Variants in ALDH1L2 observed in about 807,000 individuals in gnomAD.
ALDH1L2 encodes aldehyde dehydrogenase 1 family member L2.
Under a neutral mutation model 111.0 loss-of-function variants are expected in ALDH1L2, and 91 were observed. The ratio of observed to expected loss-of-function variants is 0.82; its 90% CI spans 0.69 to 0.98. The LOEUF (loss-of-function observed/expected upper bound fraction) is 0.98, where lower values mean the gene tolerates loss of function less well. Ranked by LOEUF, ALDH1L2 falls within the 50% of genes least tolerant of loss-of-function variation. The probability of loss-of-function intolerance (pLI) is 0.00; values close to 1 mark genes in which losing one functional copy is unlikely to be tolerated. For missense variants in ALDH1L2, 995 were observed against 1,126.8 expected (o/e 0.88, Z 1.67); for synonymous variants, 374 against 392.6 (o/e 0.95, Z 0.56).
rs71069786 is a variant in ALDH1L2, at chr12:105,064,114, C to CTTTTTTTTTTTTTTTT, written c.787-1108_787-1093dup. Among the ~76,000 whole-genome samples, 9 of 35,124 alleles carry CTTTTTTTTTTTTTTTT rather than the reference C, an allele frequency of 2.6e-4. 3 individuals are homozygous for CTTTTTTTTTTTTTTTT. Among genetic ancestry groups the CTTTTTTTTTTTTTTTT allele is most frequent in the Non-Finnish European group, 3.8e-4 (7 of 18,600 alleles). 23.0% of individuals were successfully genotyped at this position (35,124 alleles called of 152,430 possible). On this transcript the variant is annotated intron_variant, in intron 6 of 22. Transcript: ENST00000258494. ...TACAGGCACATGCCACCACACCGAGCTTTTTTTTTTTTTTTTTTTTTTTTT... is the reference window on the plus strand; with the variant it reads ...TACAGGCACATGCCACCACACCGAGCTTTTTTTTTTTTTTTTTTTTTTTTTTTTTTTTTTTTTTTTT...
chr12:105,030,521 T>C (rs985599706), intron 20 of ALDH1L2, 92 bp from the exon 21 acceptor site: 1 of 1,094,906 alleles, frequency 9.1e-7, no homozygotes, highest in Non-Finnish European at 1.3e-6. Context: ...TAATTTTTTC[T>C]TTCCCTCTGG....
At position 105,052,213 on chromosome 12, in the gene ALDH1L2, AT is replaced by A; in HGVS notation, c.1411del (p.Ile471TyrfsTer16). The stretch of plus-strand genomic sequence containing the variant: ...CAAAGAAGCGTAGGATACTTTGCAT[AT>A]TGTCTATTTCAAGGTAAGTAAAAAT... Reference protein sequence around the residue: ...DTINPTDGSTICKVSYASLAD... With the variant: ...DTINPTDGSTXCKVSYASLAD... On this transcript the variant is annotated frameshift_variant, in exon 12 of 23. Coordinates refer to ENST00000258494, the MANE Select transcript of ALDH1L2 (RefSeq NM_001034173.4). LOFTEE classifies it high-confidence loss of function. 6.2e-7 allele frequency: 1 copy of A among 1,601,224 alleles called. No individual in the cohort carries two copies. The highest frequency in any genetic ancestry group is 8.5e-7 in the Non-Finnish European group (1 of 1,175,430).
rs905754572 is a variant in ALDH1L2 at position 105,030,417 on chromosome 12, T to A, written c.2423A>T (p.Glu808Val). Residue 808 changes from glutamate (E) to valine (V), a missense_variant, in exon 21 of 23, where the codon GAG becomes GTG. Glu to Val is a moderately radical substitution (Grantham distance 121). Coordinates refer to ENST00000258494, the MANE Select transcript of ALDH1L2 (RefSeq NM_001034173.4). ...RQVQRPGFFM[E>V]PTVFTDVEDY... Reference sequence around the variant, plus strand: ...TTCCACATCTGTGAACACGGTCGGCTCCATGAAAAAGCCTTTTTGGAAAAA... The same window carrying A: ...TTCCACATCTGTGAACACGGTCGGCACCATGAAAAAGCCTTTTTGGAAAAA... 6.2e-7 allele frequency: 1 copy of A among 1,605,738 alleles called. No individual in the cohort carries two copies. Among genetic ancestry groups the A allele is most frequent in the Non-Finnish European group, 8.5e-7 (1 of 1,175,734 alleles).
At chr12:105,057,243 G>A (rs1183166232) in intron 10 of ALDH1L2, among the ~76,000 whole-genome samples, 1 of 152,000 alleles carries the variant, frequency 6.6e-6, no homozygotes, top group Non-Finnish European at 1.5e-5. Flanking sequence ...ACAACTAAAA[G>A]AGAAAAGACA....
At chr12:105,024,570 A>G (rs1329968402) in intron 22 of ALDH1L2, 91 bp from the exon 23 acceptor site, 35 of 1,258,042 alleles carry the variant, frequency 2.8e-5, no homozygotes, top group Non-Finnish European at 3.8e-5. Flanking sequence ...GTAGGTGTCC[A>G]GGTCACTAAG....
intron 1 of ALDH1L2, among the ~76,000 whole-genome samples, chr12:105,083,308 A>C (rs1878415753): frequency 6.6e-6 from 1 of 152,182 alleles, no homozygotes; most frequent in Non-Finnish European, 1.5e-5. Flanking sequence ...CCAAAGTCCT[A>C]GCAGAGCAGG....
In ALDH1L2 at chr12:105,058,222, T is replaced by C. The variant is rs181718995; in HGVS notation, c.1140-2A>G. 6.3e-7 allele frequency: 1 copy of C among 1,597,010 alleles called. No individual in the cohort carries two copies. Among genetic ancestry groups the C allele is most frequent in the African/African-American group, 1.4e-5 (1 of 73,836 alleles). On this transcript the variant is annotated splice_acceptor_variant, in intron 9 of 22. Coordinates refer to ENST00000258494, the MANE Select transcript of ALDH1L2 (RefSeq NM_001034173.4). LOFTEE classifies it high-confidence loss of function. Reference sequence around the variant, plus strand: ...TTCTGTCTGATCTCTTCAACCAGCCTTAAAGTAAAAACCAGCTTCGCGTTA... The same window carrying C: ...TTCTGTCTGATCTCTTCAACCAGCCCTAAAGTAAAAACCAGCTTCGCGTTA...
intron 22 of ALDH1L2, among the ~76,000 whole-genome samples, chr12:105,026,092 A>G (rs1332190197): frequency 6.6e-6 from 1 of 152,076 alleles, no homozygotes; most frequent in African/African-American, 2.4e-5. Flanking sequence ...AACCCTGCCA[A>G]TTGCAGGGTT....
intron 16 of ALDH1L2, 55 bp from the exon 17 acceptor site, chr12:105,039,861 TG>T: frequency 1.3e-6 from 2 of 1,528,924 alleles, no homozygotes; most frequent in Non-Finnish European, 1.8e-6. Context: ...CCGGGCGCGG[TG>T]GCTTACGCCT....
Position 105,030,444 on chromosome 12 carries a change from CAAAG to C in ALDH1L2, c.2411-19_2411-16del. ...CATGAAAAAGCCTTTTTGGAAAAAA[CAAAG>C]AAAAAATGTCAACTGTAGGTTAAGT... On this transcript the variant is annotated splice_polypyrimidine_tract_variant and intron_variant, in intron 20 of 22. Coordinates refer to ENST00000258494, the MANE Select transcript of ALDH1L2 (RefSeq NM_001034173.4). The C allele has an allele frequency of 6.3e-7, 1 of 1,596,504 alleles. No homozygotes were observed. Among genetic ancestry groups the C allele is most frequent in the Non-Finnish European group, 8.5e-7 (1 of 1,171,904 alleles).
intron 1 of ALDH1L2, 146 bp from the exon 2 acceptor site, chr12:105,074,151 A>T (rs1877894682): frequency 2.0e-6 from 2 of 1,014,050 alleles, no homozygotes; most frequent in Admixed American, 2.8e-5. Flanking sequence ...ACTACTCAAT[A>T]TATGCATGTA....
chr12:105,032,068 TG>T, intron 19 of ALDH1L2, 134 bp from the exon 20 acceptor site: 1 of 856,294 alleles, frequency 1.2e-6, no homozygotes, highest in Non-Finnish European at 1.6e-6. Flanking sequence ...CGGAGGTAGG[TG>T]GTTGGTTTTT....
At chr12:105,071,314 C>T (rs1042532624) in intron 2 of ALDH1L2, among the ~76,000 whole-genome samples, 1 of 152,040 alleles carries the variant, frequency 6.6e-6, no homozygotes, top group Non-Finnish European at 1.5e-5. Flanking sequence ...TTTTCTACTT[C>T]CTTCTCCCAA....
intron 7 of ALDH1L2, 46 bp downstream of exon 7, chr12:105,062,842 A>C (rs1176974208): frequency 6.3e-7 from 1 of 1,584,200 alleles, no homozygotes; most frequent in East Asian, 2.2e-5. Flanking sequence ...GGGTTATAGA[A>C]GAAAATCAAA....
chr12:105,064,975 T>C (rs1877257932), intron 6 of ALDH1L2, among the ~76,000 whole-genome samples: 1 of 152,128 alleles, frequency 6.6e-6, no homozygotes, highest in Admixed American at 6.5e-5. Context: ...TAGGAAGCCT[T>C]TCCTAACATG....
rs151047634 is a variant in ALDH1L2 at position 105,062,885 on chromosome 12, C to T, written c.921+3G>A. 430 of 1,609,630 alleles carry T rather than the reference C, an allele frequency of 2.7e-4. 1 individual carries two copies. Among genetic ancestry groups the T allele is most frequent in the Non-Finnish European group, 3.4e-4 (403 of 1,178,676 alleles). On this transcript the variant is annotated splice_donor_region_variant and intron_variant, in intron 7 of 22. Coordinates refer to ENST00000258494, the MANE Select transcript of ALDH1L2 (RefSeq NM_001034173.4). ...TTCATAGGCAGCCATATTTAACACT[C>T]ACTGCTTTTCCATCGTTACCAAAAA... is the stretch of plus-strand genomic sequence containing the variant.
intron 22 of ALDH1L2, among the ~76,000 whole-genome samples, chr12:105,026,301 C>G (rs1177898347): frequency 1.3e-5 from 2 of 152,182 alleles, no homozygotes; most frequent in Non-Finnish European, 2.9e-5. Context: ...ATTTCTTTTT[C>G]CTTTCAAACA....
intron 16 of ALDH1L2, 70 bp downstream of exon 16, chr12:105,040,537 G>T: frequency 1.4e-6 from 2 of 1,388,608 alleles, no homozygotes; most frequent in Non-Finnish European, 2.1e-6. Flanking sequence ...GTCTCTAGAG[G>T]TAAAAGAGCC....
chr12:105,061,507 T>C, intron 8 of ALDH1L2, 120 bp downstream of exon 8: 1 of 1,383,618 alleles, frequency 7.2e-7, no homozygotes, highest in Non-Finnish European at 9.9e-7. Flanking sequence ...CTCTTGCAGC[T>C]AATACAAAAA....
Sources: gnomAD v4.1 joint callset for allele counts (sites outside exome capture counted in the v4.1 genomes callset) on GRCh38, gnomAD v4.1.1 for gene constraint, MANE v1.5 for transcripts, NCBI Gene and HGNC (gene_info 2026-07-23, HGNC 2026-07-21) for gene names.